Variants in SGCD observed in about 807,000 individuals in gnomAD.
The protein encoded by SGCD is delta-sarcoglycan.
Under a neutral mutation model 36.6 loss-of-function variants are expected in SGCD, and 18 were observed. The observed-to-expected ratio is 0.49, with a 90% CI of 0.34 to 0.73. SGCD has a LOEUF of 0.73. Ranked by LOEUF, SGCD falls within the 30% of genes least tolerant of loss-of-function variation. The pLI is 0.01. For synonymous variants in SGCD, 133 were observed against 130.6 expected (o/e 1.02, Z -0.12); for missense variants, 387 against 346.7 (o/e 1.12, Z -0.92).
intron 1 of SGCD, among the ~76,000 whole-genome samples, chr5:156,049,499 A>C (rs1011744308): frequency 2.1e-5 from 3 of 146,068 alleles, no homozygotes; most frequent in East Asian, 1.9e-4. Flanking sequence ...CTTTTATTTA[A>C]TTGAGCAGTG....
rs529084535 is a variant in SGCD at position 156,747,469 on chromosome 5, T to A, written c.576-10112T>A. On this transcript the variant is annotated intron_variant, in intron 7 of 8. Transcript: ENST00000337851. ...TACCAAACGCTGGACTAGGGGAGGG[T>A]CCATTTCCAAAAACACTCTAGTGGT... Among the ~76,000 whole-genome samples, 5 of 151,970 alleles carry A rather than the reference T, an allele frequency of 3.3e-5. No individual in the cohort carries two copies. The South Asian group carries it at 1.0e-3, about 32-fold the overall frequency.
chr5:156,581,098 C>G, intron 4 of SGCD, among the ~76,000 whole-genome samples: 1 of 152,184 alleles, frequency 6.6e-6, no homozygotes, highest in East Asian at 1.9e-4. Flanking sequence ...TGTGGATGTC[C>G]TTTTTGTTGA....
chr5:155,955,485 A>G (rs1420623287), intron 1 of SGCD, among the ~76,000 whole-genome samples: 17 of 152,120 alleles, frequency 1.1e-4, no homozygotes, highest in Non-Finnish European at 2.9e-5. Flanking sequence ...TTCAGTTCTA[A>G]TGTTATCTAT....
At chr5:156,003,356 C>T (rs1758699341) in intron 1 of SGCD, among the ~76,000 whole-genome samples, 1 of 152,166 alleles carries the variant, frequency 6.6e-6, no homozygotes, top group African/African-American at 2.4e-5. Context: ...ATTGAATGGA[C>T]AAAGAATTGA....
chr5:156,032,706 CAAAAAAAAA>C lies in SGCD; in HGVS notation c.-281-85150_-281-85142del, dbSNP rs1171072619. 7.3e-4 allele frequency among the ~76,000 whole-genome samples: 11 copies of C among 15,068 alleles called. No homozygotes were observed. The East Asian group carries it at 0.012, about 17-fold the overall frequency. The allele number at this position is 15,068 out of a possible 152,430, so 9.9% of individuals were successfully genotyped here. A position where few individuals can be genotyped will look rare whatever the true frequency, so the allele number is the denominator to read the frequency against. On this transcript the variant is annotated intron_variant, in intron 1 of 9. Transcript: ENST00000517913. The stretch of plus-strand genomic sequence containing the variant: ...TGGGCGACAGAGCAAGACTCCGTCT[CAAAAAAAAA>C]AAAAAAAAAAAAAAAAAAAAAGAGT...
intron 1 of SGCD, among the ~76,000 whole-genome samples, chr5:156,038,834 C>A (rs1056200936): frequency 6.6e-6 from 1 of 152,118 alleles, no homozygotes; most frequent in African/African-American, 2.4e-5. Flanking sequence ...CACATTGAGG[C>A]TGTTTTAATT....
chr5:156,288,803 G>T (rs1341194637), intron 3 of SGCD, among the ~76,000 whole-genome samples: 2 of 151,960 alleles, frequency 1.3e-5, no homozygotes, highest in Non-Finnish European at 2.9e-5. Flanking sequence ...GAATGTTACT[G>T]CCTGATTAAG....
rs548143626 is a variant in SGCD, at chr5:156,188,696, C to T, written c.-44+64677C>T. On this transcript the variant is annotated intron_variant, in intron 3 of 9. Coordinates refer to the SGCD transcript ENST00000517913. ...CCCCCCGACACACATACACACAATC[C>T]CTCTCTACATGCACAAGATGAAGTT... Among the ~76,000 whole-genome samples the T allele has an allele frequency of 1.8e-3, 160 of 88,030 alleles. 10 individuals carry two copies. The highest frequency in any genetic ancestry group is 0.016 in the Admixed American group (155 of 9,890). 57.8% of individuals were successfully genotyped at this position (88,030 alleles called of 152,430 possible). A position where few individuals can be genotyped will look rare whatever the true frequency, so the allele number is the denominator to read the frequency against.
intron 3 of SGCD, among the ~76,000 whole-genome samples, chr5:156,363,161 A>C (rs1769898260): frequency 6.6e-6 from 1 of 152,176 alleles, no homozygotes; most frequent in Admixed American, 6.5e-5. Flanking sequence ...AGTTTATACA[A>C]GCATAATTAA....
At chr5:155,803,260 C>G in the SGCD span, among the ~76,000 whole-genome samples, 1 of 152,192 alleles carries the variant, frequency 6.6e-6, no homozygotes, top group Non-Finnish European at 1.5e-5. Flanking sequence ...GCCGAAAGAG[C>G]AGCCAGCAGC....
intron 3 of SGCD, among the ~76,000 whole-genome samples, chr5:156,180,790 T>C (rs1339075872): frequency 6.6e-6 from 1 of 152,140 alleles, no homozygotes; most frequent in African/African-American, 2.4e-5. Flanking sequence ...GAGGCACACA[T>C]TATTTTGTAA....
chr5:156,612,322 T>C (rs796823695), intron 6 of SGCD, among the ~76,000 whole-genome samples: 11 of 152,232 alleles, frequency 7.2e-5, no homozygotes, highest in Non-Finnish European at 8.8e-5. Flanking sequence ...CTCTGTGCAG[T>C]TTCTTCAGCT....
intron 3 of SGCD, among the ~76,000 whole-genome samples, chr5:156,231,170 G>C (rs1765005436): frequency 6.6e-6 from 1 of 152,172 alleles, no homozygotes; most frequent in Non-Finnish European, 1.5e-5. Context: ...CCTAATTGAA[G>C]TAGCTTGCTT....
intron 7 of SGCD, among the ~76,000 whole-genome samples, chr5:156,690,339 C>T (rs983085019): frequency 1.3e-5 from 2 of 152,120 alleles, no homozygotes; most frequent in Non-Finnish European, 2.9e-5. Flanking sequence ...GTGGTTAAAA[C>T]AGATGATGTT....
intron 1 of SGCD, among the ~76,000 whole-genome samples, chr5:156,055,075 T>A (rs970250411): frequency 2.0e-5 from 3 of 146,444 alleles, no homozygotes; most frequent in African/African-American, 7.4e-5. Flanking sequence ...AGGAGATGTT[T>A]GCCTTCAGGT....
chr5:155,907,759 G>A (rs1385135835), intron 1 of SGCD, among the ~76,000 whole-genome samples: 1 of 152,152 alleles, frequency 6.6e-6, no homozygotes. Context: ...TGGTGAGGAT[G>A]CTATGAACAT....
intron 3 of SGCD, among the ~76,000 whole-genome samples, chr5:156,407,938 G>A (rs754611099): frequency 1.2e-4 from 19 of 152,164 alleles, no homozygotes; most frequent in Non-Finnish European, 2.4e-4. Flanking sequence ...CTTAACATAT[G>A]TGGAGGAGGA....
chr5:155,729,115 G>A, the SGCD span, among the ~76,000 whole-genome samples: 1 of 152,246 alleles, frequency 6.6e-6, no homozygotes, highest in Non-Finnish European at 1.5e-5. Context: ...ATGCAACACT[G>A]TTTCCTCCAA....
At position 156,056,409 on chromosome 5, in the gene SGCD, A is replaced by G. The variant is rs764745228; in HGVS notation, c.-281-61469A>G. ...ATTCCAAACTTCTCCAGTTGTTCCT[A>G]TGAATAACATCAATATTGTAGGACC... On this transcript the variant is annotated intron_variant, in intron 1 of 9. Transcript: ENST00000517913. 2.1e-4 allele frequency among the ~76,000 whole-genome samples: 31 copies of G among 145,254 alleles called. 2 individuals carry two copies. The highest frequency in any genetic ancestry group is 6.4e-4 in the African/African-American group (26 of 40,382).
Sources: gnomAD v4.1 joint callset for allele counts (sites outside exome capture counted in the v4.1 genomes callset) on GRCh38, gnomAD v4.1.1 for gene constraint, MANE v1.5 for transcripts, NCBI Gene and HGNC (gene_info 2026-07-23, HGNC 2026-07-21) for gene names.